TRAF3: variants seen among roughly 807,000 people sequenced by gnomAD.
The protein encoded by TRAF3 is TNF receptor associated factor 3.
Under a neutral mutation model 62.3 loss-of-function variants are expected in TRAF3, and 13 were observed. That is an observed-to-expected ratio of 0.21 (90% confidence interval 0.14 to 0.33). TRAF3 has a LOEUF of 0.33. TRAF3 is among the 10% of genes least tolerant of loss of function. The pLI is 1.00. For missense variants in TRAF3, 440 were observed against 741.8 expected, an observed-to-expected ratio of 0.59 and a Z score of 4.73; for synonymous variants, 269 against 283.4, an observed-to-expected ratio of 0.95 and a Z score of 0.51.
intron 1 of TRAF3, among the ~76,000 whole-genome samples, chr14:102,812,915 T>C (rs62008986): frequency 0.27 from 41,453 of 151,326 alleles, 6,295 homozygotes; most frequent in Non-Finnish European, 0.35. Context: ...CGAGACTCCG[T>C]CTCAAAAAAA....
chr14:102,901,449 C>T (rs1010644871), intron 10 of TRAF3, among the ~76,000 whole-genome samples: 4 of 152,164 alleles, frequency 2.6e-5, no homozygotes, highest in Admixed American at 6.5e-5. Flanking sequence ...GCTCAGTGTG[C>T]GTGTTAGAAG....
At chr14:102,802,154 A>AT (rs1202677524) in intron 1 of TRAF3, among the ~76,000 whole-genome samples, 985 of 81,072 alleles carry the variant, frequency 0.012, 17 homozygotes, top group African/African-American at 0.025. Flanking sequence ...ACCTGGACTC[A>AT]TTTTTTTTTT....
Position 102,907,556 on chromosome 14 carries a change from A to G in TRAF3, c.*1772A>G, listed in dbSNP as rs1215378544. On this transcript the variant is annotated 3_prime_UTR_variant, in exon 12 of 12. Coordinates refer to ENST00000392745, the MANE Select transcript of TRAF3 (RefSeq NM_145725.3). ...GTGTGCGAACTGTCACACCTGTGCCACTCGCCCACAAGCCGCGCCCACAAT... is the reference window on the plus strand; with the variant it reads ...GTGTGCGAACTGTCACACCTGTGCCGCTCGCCCACAAGCCGCGCCCACAAT... The G allele has an allele frequency of 3.9e-5, 6 of 152,160 alleles. No individual in the cohort carries two copies. Among genetic ancestry groups the G allele is most frequent in the Non-Finnish European group, 8.8e-5 (6 of 68,058 alleles). 9.4% of individuals were successfully genotyped at this position (152,160 alleles called of 1,614,324 possible). A position where few individuals can be genotyped will look rare whatever the true frequency, so the allele number is the denominator to read the frequency against.
chr14:102,862,007 T>G (rs1887705949), intron 2 of TRAF3, among the ~76,000 whole-genome samples: 1 of 152,238 alleles, frequency 6.6e-6, no homozygotes, highest in Non-Finnish European at 1.5e-5. Flanking sequence ...GTCTTTTCAC[T>G]TTATTGATAA....
rs1443635739 is a variant in TRAF3 at position 102,900,205 on chromosome 14, A to AAAAC, written c.960+2804_960+2805insAAAC. ...GAAAAAAAAAAAAAAAAAAAAAAAG[A>AAAAC]CAGCCTAGGCCGGTAGGCCGGACAC... On this transcript the variant is annotated intron_variant, in intron 10 of 11. Coordinates refer to ENST00000392745, the MANE Select transcript of TRAF3 (RefSeq NM_145725.3). Among the ~76,000 whole-genome samples, 43 of 135,480 alleles carry AAAAC rather than the reference A, an allele frequency of 3.2e-4. 1 individual carries two copies. Among genetic ancestry groups the AAAAC allele is most frequent in the African/African-American group, 1.0e-3 (33 of 32,334 alleles). 88.9% of individuals were successfully genotyped at this position (135,480 alleles called of 152,430 possible).
At chr14:102,864,202 G>T (rs1347445754) in intron 2 of TRAF3, among the ~76,000 whole-genome samples, 1 of 146,142 alleles carries the variant, frequency 6.8e-6, no homozygotes, top group African/African-American at 2.5e-5. Flanking sequence ...GGGCTGGAGT[G>T]CAGTGGCGCC....
chr14:102,818,658 C>T (rs1417743080), intron 1 of TRAF3, among the ~76,000 whole-genome samples: 1 of 152,208 alleles, frequency 6.6e-6, no homozygotes, highest in East Asian at 1.9e-4. Context: ...CTGTTCTACT[C>T]TACGCTTCTT....
In TRAF3 at chr14:102,868,767, A is replaced by C. The variant is rs368389765; in HGVS notation, c.-17-1418A>C. Among the ~76,000 whole-genome samples the C allele has an allele frequency of 3.6e-4, 55 of 152,328 alleles. No homozygotes were observed. In the East Asian group the frequency reaches 6.0e-3, roughly 17 times the overall value. ...TGATCAAATCATTAGTGTGTTTATGAGTGCATGGTGTAATTTTTACTAAAG... is the reference window on the plus strand; with the variant it reads ...TGATCAAATCATTAGTGTGTTTATGCGTGCATGGTGTAATTTTTACTAAAG... On this transcript the variant is annotated intron_variant, in intron 2 of 11. Coordinates refer to ENST00000392745, the MANE Select transcript of TRAF3 (RefSeq NM_145725.3).
At chr14:102,889,375 G>A (rs1054252506) in intron 7 of TRAF3, among the ~76,000 whole-genome samples, 185 bp from the exon 8 acceptor site, 3 of 152,222 alleles carry the variant, frequency 2.0e-5, no homozygotes, top group Non-Finnish European at 2.9e-5. Flanking sequence ...TGGCGTATAT[G>A]TGTATACACG....
intron 2 of TRAF3, among the ~76,000 whole-genome samples, chr14:102,838,797 T>G (rs886439709): frequency 1.2e-4 from 19 of 152,162 alleles, no homozygotes; most frequent in Non-Finnish European, 2.6e-4. Context: ...AAGTGTGTAT[T>G]GGAGGGGGTA....
chr14:102,886,657 G>A (rs564195585), intron 7 of TRAF3, among the ~76,000 whole-genome samples: 196 of 152,174 alleles, frequency 1.3e-3, no homozygotes, highest in African/African-American at 4.6e-3. Flanking sequence ...TCAGGAGGCC[G>A]AGGCAGGAGA....
chr14:102,829,450 G>T (rs1306209253), intron 1 of TRAF3, among the ~76,000 whole-genome samples: 1 of 152,228 alleles, frequency 6.6e-6, no homozygotes, highest in Non-Finnish European at 1.5e-5. Flanking sequence ...TTGAGACATA[G>T]TTTTCAACTT....
chr14:102,831,295 C>T (rs909046237), intron 2 of TRAF3, among the ~76,000 whole-genome samples: 1 of 152,146 alleles, frequency 6.6e-6, no homozygotes. Context: ...GTGAGGAAAC[C>T]CATGTCGCCC....
chr14:102,853,680 A>G (rs1412445559), intron 2 of TRAF3, among the ~76,000 whole-genome samples: 1 of 151,954 alleles, frequency 6.6e-6, no homozygotes, highest in Non-Finnish European at 1.5e-5. Context: ...TACTAAAAAT[A>G]CAAAAAAATT....
At chr14:102,877,066 T>C (rs1888715966) in intron 6 of TRAF3, among the ~76,000 whole-genome samples, 1 of 149,322 alleles carries the variant, frequency 6.7e-6, no homozygotes, top group South Asian at 2.1e-4. Flanking sequence ...GCTCAATTCA[T>C]AGATAATCCG....
intron 6 of TRAF3, among the ~76,000 whole-genome samples, chr14:102,883,582 TTTTC>T (rs201697102): frequency 0.015 from 2,298 of 152,158 alleles, 20 homozygotes; most frequent in Non-Finnish European, 0.021. Flanking sequence ...TATGCTTTTT[TTTTC>T]TTTCTTTCTT....
In TRAF3 at chr14:102,826,155, A is replaced by C. The variant is rs1900297781; in HGVS notation, c.-156-4179A>C. 1.3e-5 allele frequency among the ~76,000 whole-genome samples: 2 copies of C among 152,174 alleles called. No individual in the cohort carries two copies. Among genetic ancestry groups the C allele is most frequent in the Non-Finnish European group, 2.9e-5 (2 of 68,040 alleles). Reference sequence around the variant, plus strand: ...AGTGAACTCTGTTTTGGGTATCTACAAAAGCAGAAGGGGAGGTTAGGATGT... The same window carrying C: ...AGTGAACTCTGTTTTGGGTATCTACCAAAGCAGAAGGGGAGGTTAGGATGT... On this transcript the variant is annotated intron_variant, in intron 1 of 11. Coordinates refer to ENST00000392745, the MANE Select transcript of TRAF3 (RefSeq NM_145725.3). This position sits in a 1 kb window ranked among gnomAD's most constrained non-coding sequence, Gnocchi z 4.6.
intron 1 of TRAF3, among the ~76,000 whole-genome samples, chr14:102,811,915 T>C (rs1464531895): frequency 1.3e-5 from 1 of 78,024 alleles, no homozygotes; most frequent in Non-Finnish European, 2.2e-5. Context: ...GCCTGGCCCT[T>C]TTTTTTTTTT....
chr14:102,798,545 TAGG>T (rs1356423376), intron 1 of TRAF3, among the ~76,000 whole-genome samples: 4 of 152,072 alleles, frequency 2.6e-5, no homozygotes, highest in African/African-American at 9.7e-5. Context: ...GAGGCTGAGG[TAGG>T]AGGACAGCTT....
Sources: allele counts gnomAD v4.1 joint callset (sites outside exome capture counted in the v4.1 genomes callset), GRCh38; gene constraint gnomAD v4.1.1; non-coding constraint Gnocchi (gnomAD v3.1); transcripts MANE v1.5; gene names NCBI Gene and HGNC (gene_info 2026-07-23, HGNC 2026-07-21).